NRXN1: variants seen among roughly 807,000 people sequenced by gnomAD.
NRXN1 encodes neurexin-1.
A neutral mutation model predicts 150.9 loss-of-function variants in NRXN1; 39 were observed. The ratio of observed to expected loss-of-function variants is 0.26; its 90% CI spans 0.20 to 0.34. NRXN1 has a LOEUF of 0.34. Ranked by LOEUF, NRXN1 falls within the 10% of genes least tolerant of loss-of-function variation. The probability of loss-of-function intolerance (pLI) is 1.00; values close to 1 mark genes in which losing one functional copy is unlikely to be tolerated. For missense variants in NRXN1, 1,815 were observed against 1,949.9 expected (o/e 0.93, Z 1.30); for synonymous variants, 924 against 757.0 (o/e 1.22, Z -3.62).
chr2:50,364,240 T>C (rs2079429778), intron 17 of NRXN1, among the ~76,000 whole-genome samples: 1 of 152,018 alleles, frequency 6.6e-6, no homozygotes, highest in East Asian at 1.9e-4. Flanking sequence ...AAAGTATAAT[T>C]TTAAAAAATT....
chr2:50,560,134 A>G (rs1371389914), intron 8 of NRXN1, among the ~76,000 whole-genome samples: 1 of 152,328 alleles, frequency 6.6e-6, no homozygotes, highest in African/African-American at 2.4e-5. Flanking sequence ...ACCCAAAATC[A>G]AGTTTCTTAT....
At chr2:50,800,039 ATGT>A (rs1432815132) in intron 5 of NRXN1, among the ~76,000 whole-genome samples, 1 of 152,184 alleles carries the variant, frequency 6.6e-6, no homozygotes, top group Non-Finnish European at 1.5e-5. Context: ...CACAAAACAA[ATGT>A]TGAAGAACTG....
intron 5 of NRXN1, among the ~76,000 whole-genome samples, chr2:50,698,880 C>T (rs1443734775): frequency 2.0e-5 from 3 of 152,150 alleles, no homozygotes; most frequent in Non-Finnish European, 2.9e-5. Context: ...GTTTGAAGTA[C>T]ACTTTAAAGC....
intron 21 of NRXN1, among the ~76,000 whole-genome samples, chr2:49,958,267 T>C (rs1409141668): frequency 6.6e-6 from 1 of 152,212 alleles, no homozygotes. Flanking sequence ...AGTTATGATA[T>C]TGCCTAATGA....
intron 17 of NRXN1, among the ~76,000 whole-genome samples, chr2:50,272,226 A>G (rs1177815119): frequency 6.6e-6 from 1 of 152,202 alleles, no homozygotes; most frequent in African/African-American, 2.4e-5. Flanking sequence ...ATTTTGGTCA[A>G]CCAAAGAGAA....
intron 2 of NRXN1, among the ~76,000 whole-genome samples, chr2:50,944,909 T>G (rs1295597529): frequency 1.3e-5 from 2 of 152,254 alleles, no homozygotes; most frequent in African/African-American, 4.8e-5. Context: ...GAGTGTCATT[T>G]ACACTGATGG....
intron 18 of NRXN1, among the ~76,000 whole-genome samples, chr2:50,169,727 AAGAAAG>A (rs2059912734): frequency 1.5e-5 from 2 of 130,898 alleles, no homozygotes; most frequent in African/African-American, 8.4e-5. Flanking sequence ...AAAAAAAAAA[AAGAAAG>A]AAAGAAATTA....
chr2:50,759,076 A>G (rs369129029), intron 5 of NRXN1, among the ~76,000 whole-genome samples: 3 of 151,942 alleles, frequency 2.0e-5, no homozygotes, highest in Admixed American at 2.0e-4. Context: ...ATGCATAAAT[A>G]TGGGAGCAAC....
intron 19 of NRXN1, among the ~76,000 whole-genome samples, chr2:50,078,522 G>C (rs1697426309): frequency 1.3e-5 from 2 of 151,890 alleles, no homozygotes; most frequent in South Asian, 4.1e-4. Context: ...ACTTTATTTT[G>C]TTTTACCAGT....
intron 17 of NRXN1, among the ~76,000 whole-genome samples, chr2:50,413,171 T>G (rs888579692): frequency 6.6e-6 from 1 of 152,158 alleles, no homozygotes; most frequent in Non-Finnish European, 1.5e-5. Flanking sequence ...AGAAACTATT[T>G]GCAAACCCTC....
chr2:49,927,073 C>T (rs990183096), intron 22 of NRXN1, among the ~76,000 whole-genome samples: 5 of 152,276 alleles, frequency 3.3e-5, no homozygotes, highest in African/African-American at 9.6e-5. Context: ...CCAGCAGGGG[C>T]CAGGACTTTT....
chr2:50,159,003 A>G (rs1337410198), intron 18 of NRXN1, among the ~76,000 whole-genome samples: 1 of 152,108 alleles, frequency 6.6e-6, no homozygotes, highest in East Asian at 1.9e-4. Flanking sequence ...AAGTTCACTC[A>G]AGCAGAAAAT....
intron 5 of NRXN1, among the ~76,000 whole-genome samples, chr2:50,811,237 A>T (rs868241254): frequency 6.6e-6 from 1 of 152,148 alleles, no homozygotes; most frequent in Admixed American, 6.6e-5. Flanking sequence ...CTGTGACTTA[A>T]AGTTTACAAT....
intron 21 of NRXN1, among the ~76,000 whole-genome samples, chr2:50,000,288 A>G (rs1270794144): frequency 6.6e-6 from 1 of 152,216 alleles, no homozygotes; most frequent in African/African-American, 2.4e-5. Flanking sequence ...CTACTGGAAA[A>G]GAATAAAACA....
At chr2:50,606,817 TAAAGAA>T (rs1217323968) in intron 8 of NRXN1, among the ~76,000 whole-genome samples, 2 of 152,106 alleles carry the variant, frequency 1.3e-5, no homozygotes, top group African/African-American at 4.8e-5. Flanking sequence ...AAGTAATACT[TAAAGAA>T]AAACTACTAG....
At chr2:49,958,781 A>C (rs1273237277) in intron 21 of NRXN1, among the ~76,000 whole-genome samples, 2 of 152,286 alleles carry the variant, frequency 1.3e-5, no homozygotes, top group East Asian at 1.9e-4. Context: ...TTTACTTTTT[A>C]GTCTATGAAA....
chr2:50,471,899 T>A (rs1208733855), intron 16 of NRXN1, among the ~76,000 whole-genome samples: 2 of 151,718 alleles, frequency 1.3e-5, no homozygotes, highest in African/African-American at 2.4e-5. Context: ...ACAAAAAGAA[T>A]GTAGATTTTT....
chr2:50,607,198 G>A (rs913996625), intron 8 of NRXN1, among the ~76,000 whole-genome samples: 37 of 152,130 alleles, frequency 2.4e-4, no homozygotes, highest in East Asian at 7.7e-4. Flanking sequence ...AAAGCCTGCC[G>A]CCAGCTCACT....
At chr2:50,145,321 G>A (rs1558970172) in intron 18 of NRXN1, among the ~76,000 whole-genome samples, 1 of 150,610 alleles carries the variant, frequency 6.6e-6, no homozygotes, top group Admixed American at 6.6e-5. Context: ...CACAGAAATT[G>A]TTTTTTTTCC....
Sources: gnomAD v4.1 joint callset for allele counts (sites outside exome capture counted in the v4.1 genomes callset) on GRCh38, gnomAD v4.1.1 for gene constraint, MANE v1.5 for transcripts, NCBI Gene and HGNC (gene_info 2026-07-23, HGNC 2026-07-21) for gene names.